Variants in PCDHGB3 observed in about 807,000 individuals in gnomAD.
PCDHGB3 encodes protocadherin gamma-B3.
PCDHGB3 carries 40 observed loss-of-function variants against 59.2 expected under a neutral mutation model. The observed-to-expected ratio is 0.68, with a 90% CI of 0.52 to 0.88. The LOEUF is 0.88. Among genes scored for constraint, PCDHGB3 ranks in the 40% least tolerant of loss-of-function variants. The probability of loss-of-function intolerance (pLI) is 0.00; values close to 1 mark genes in which losing one functional copy is unlikely to be tolerated. For missense variants in PCDHGB3, 1,309 were observed against 1,187.9 expected (o/e 1.10, Z -1.50); for synonymous variants, 581 against 503.6 (o/e 1.15, Z -2.06).
Position 141,505,566 on chromosome 5 carries a change from A to G in PCDHGB3, c.2563+85A>G, listed in dbSNP as rs1363426407. 1.4e-5 allele frequency: 22 copies of G among 1,599,886 alleles called. No individual in the cohort carries two copies. In the East Asian group the frequency reaches 4.7e-4, roughly 34 times the overall value. ...CACAGCCACCATGCCCACGGACTGGATGTCAAACCTGTGTAGTTTCTCCAG... is the reference window on the plus strand; with the variant it reads ...CACAGCCACCATGCCCACGGACTGGGTGTCAAACCTGTGTAGTTTCTCCAG... On this transcript the variant is annotated intron_variant, in intron 3 of 3. Coordinates refer to ENST00000576222, the MANE Select transcript of PCDHGB3 (RefSeq NM_018924.5).
At chr5:141,398,743 A>C (rs770231078) in intron 1 of PCDHGB3, 2 of 1,613,864 alleles carry the variant, frequency 1.2e-6, no homozygotes, top group Admixed American at 3.3e-5. Flanking sequence ...GGAACAACAG[A>C]GTTACCATCG....
chr5:141,461,480 G>A (rs1478939044), intron 1 of PCDHGB3, among the ~76,000 whole-genome samples: 1 of 151,970 alleles, frequency 6.6e-6, no homozygotes, highest in Non-Finnish European at 1.5e-5. Context: ...ACTTTTTAAT[G>A]GGATTGTGTT....
chr5:141,418,236 T>C, intron 1 of PCDHGB3: 8 of 1,614,030 alleles, frequency 5.0e-6, no homozygotes, highest in Non-Finnish European at 6.8e-6. Flanking sequence ...ATTGAGGATG[T>C]TAATGACCAC....
Position 141,432,691 on chromosome 5 carries a change from G to T in PCDHGB3, c.2415+59882G>T. 1 of 1,613,942 alleles carries T rather than the reference G, an allele frequency of 6.2e-7. No individual in the cohort carries two copies. The highest frequency in any genetic ancestry group is 1.1e-5 in the South Asian group (1 of 91,068). On this transcript the variant is annotated intron_variant, in intron 1 of 3. Coordinates refer to ENST00000576222, the MANE Select transcript of PCDHGB3 (RefSeq NM_018924.5). This position sits in a 1 kb window ranked among gnomAD's most constrained non-coding sequence, Gnocchi z 6.0. ...ACGCGCTCAAGCAGAGCCTCGTAGT[G>T]GCCGTCCAGGACCACGGCCAGCCCC... is the stretch of plus-strand genomic sequence containing the variant.
chr5:141,370,266 G>A lies in PCDHGB3; in HGVS notation c.-129G>A. ...TGCACTCTCTATCAGGCTTCCTGCA[G>A]CGGAGACACCCATTAGAGAACCCAA... is the stretch of plus-strand genomic sequence containing the variant. On this transcript the variant is annotated 5_prime_UTR_variant, in exon 1 of 4. Transcript: ENST00000576222. The A allele has an allele frequency of 2.6e-6, 2 of 765,958 alleles. No homozygotes were observed. The highest frequency in any genetic ancestry group is 4.1e-6 in the Non-Finnish European group (2 of 492,120). 47.4% of individuals were successfully genotyped at this position (765,958 alleles called of 1,614,324 possible). A position where few individuals can be genotyped will look rare whatever the true frequency, so the allele number is the denominator to read the frequency against.
In PCDHGB3 at chr5:141,491,149, G is replaced by T; in HGVS notation, c.2416-3658G>T. 6.8e-6 allele frequency: 11 copies of T among 1,614,152 alleles called. No homozygotes were observed. The highest frequency in any genetic ancestry group is 9.3e-6 in the Non-Finnish European group (11 of 1,180,010). On this transcript the variant is annotated intron_variant, in intron 1 of 3. Transcript: ENST00000576222. This position sits in a 1 kb window ranked among gnomAD's most constrained non-coding sequence, Gnocchi z 6.9. ...GCGCACAGCCCGGGCCTTACTGGAGGATGACTCTGACACCCAGCAGGTGGT... is the reference window on the plus strand; with the variant it reads ...GCGCACAGCCCGGGCCTTACTGGAGTATGACTCTGACACCCAGCAGGTGGT...
At chr5:141,441,930 G>T in intron 1 of PCDHGB3, 1 of 347,232 alleles carries the variant, frequency 2.9e-6, no homozygotes, top group Non-Finnish European at 5.5e-6. Flanking sequence ...ATGCGTGGCT[G>T]TCCTACCACG....
intron 1 of PCDHGB3, chr5:141,377,130 G>A (rs1432999287): frequency 6.6e-6 from 1 of 152,218 alleles, no homozygotes; most frequent in Non-Finnish European, 1.5e-5. Flanking sequence ...TTAATTTTGT[G>A]GGGGAAAATA....
intron 1 of PCDHGB3, among the ~76,000 whole-genome samples, chr5:141,458,921 C>CG (rs2098956905): frequency 6.6e-6 from 1 of 151,960 alleles, no homozygotes; most frequent in African/African-American, 2.4e-5. Flanking sequence ...TTTGTGGAGA[C>CG]GGGGTCTCAC....
At chr5:141,481,822 G>A (rs1017311512) in intron 1 of PCDHGB3, among the ~76,000 whole-genome samples, 12 of 151,620 alleles carry the variant, frequency 7.9e-5, no homozygotes, top group Non-Finnish European at 1.5e-4. Context: ...CGTGGTGGCT[G>A]AGGCAGGAGA....
chr5:141,478,576 G>C (rs543160289), intron 1 of PCDHGB3: 3 of 1,585,598 alleles, frequency 1.9e-6, no homozygotes, highest in Middle Eastern at 3.3e-4. Flanking sequence ...GCTTGACCCT[G>C]TTAGTGCTTT....
intron 2 of PCDHGB3, among the ~76,000 whole-genome samples, chr5:141,500,311 C>T (rs2099799036): frequency 2.0e-5 from 3 of 152,072 alleles, no homozygotes; most frequent in African/African-American, 7.2e-5. Context: ...CAGGTTCACG[C>T]CATGCTCCTG....
rs1285420674 is a variant in PCDHGB3 at position 141,409,726 on chromosome 5, C to G, written c.2415+36917C>G. The G allele has an allele frequency of 1.9e-6, 3 of 1,612,982 alleles. No homozygotes were observed. The Admixed American group carries it at 5.0e-5, about 27-fold the overall frequency. On this transcript the variant is annotated intron_variant, in intron 1 of 3. Transcript: ENST00000576222. ...CGGTGTCGTCATACGTGTCAGTGAG[C>G]GCGCAGAGCGGGGTGGTGTTCGCGC...
chr5:141,385,507 AG>A, intron 1 of PCDHGB3: 1 of 1,376,812 alleles, frequency 7.3e-7, no homozygotes, highest in Non-Finnish European at 9.4e-7. Flanking sequence ...GTATTTCTTT[AG>A]TGAAAGCCTA....
At chr5:141,414,948 G>A (rs957548133) in intron 1 of PCDHGB3, 20 of 1,614,084 alleles carry the variant, frequency 1.2e-5, no homozygotes, top group South Asian at 2.2e-5. Flanking sequence ...CCGGCTACCT[G>A]GTGACCAAGG....
At chr5:141,481,943 G>C (rs1454871018) in intron 1 of PCDHGB3, among the ~76,000 whole-genome samples, 1 of 148,544 alleles carries the variant, frequency 6.7e-6, no homozygotes, top group South Asian at 2.1e-4. Context: ...AAATCAGCCA[G>C]ATGTGGTGGC....
intron 1 of PCDHGB3, chr5:141,414,343 A>G: frequency 1.9e-6 from 3 of 1,613,882 alleles, no homozygotes; most frequent in Non-Finnish European, 2.5e-6. Flanking sequence ...AACCTGTTCC[A>G]TTTTGGCGTA....
chr5:141,511,031 A>G lies in PCDHGB3; in HGVS notation c.2648A>G (p.Gln883Arg). 6.2e-7 allele frequency: 1 copy of G among 1,614,244 alleles called. No individual in the cohort carries two copies. The highest frequency in any genetic ancestry group is 8.5e-7 in the Non-Finnish European group (1 of 1,180,034). ...SARYGPQFTL[Q>R]HVPDYRQNVY... Reference sequence around the variant, plus strand: ...CGCTACGGACCCCAGTTCACCCTGCAGCACGTGCCCGACTACCGCCAGAAT... The same window carrying G: ...CGCTACGGACCCCAGTTCACCCTGCGGCACGTGCCCGACTACCGCCAGAAT... The change falls in exon 4 of 4, where the codon CAG (glutamine) becomes CGG (arginine). Residue 883 changes from glutamine to arginine, a missense_variant. Gln to Arg is a conservative substitution (Grantham distance 43). Coordinates refer to ENST00000576222, the MANE Select transcript of PCDHGB3 (RefSeq NM_018924.5).
intron 1 of PCDHGB3, among the ~76,000 whole-genome samples, chr5:141,472,402 G>A (rs569497172): frequency 8.5e-5 from 13 of 152,160 alleles, no homozygotes; most frequent in South Asian, 2.1e-4. Context: ...TTAGCCAGGC[G>A]TGGTGGCACG....
Sources: gnomAD v4.1 joint callset for allele counts (sites outside exome capture counted in the v4.1 genomes callset) on GRCh38, gnomAD v4.1.1 for gene constraint, Gnocchi (gnomAD v3.1) non-coding constraint, MANE v1.5 for transcripts, NCBI Gene and HGNC (gene_info 2026-07-23, HGNC 2026-07-21) for gene names.